Variants in NACC1 observed in about 807,000 individuals in gnomAD.
NACC1 encodes the protein nucleus accumbens associated 1.
A neutral mutation model predicts 41.7 loss-of-function variants in NACC1; 6 were observed. The ratio of observed to expected loss-of-function variants is 0.14; its 90% CI spans 0.08 to 0.28. The LOEUF (loss-of-function observed/expected upper bound fraction) is 0.28, where lower values mean the gene tolerates loss of function less well. Ranked by LOEUF, NACC1 falls within the 10% of genes least tolerant of loss-of-function variation. The pLI is 1.00. For synonymous variants in NACC1, 338 were observed against 330.6 expected, an observed-to-expected ratio of 1.02 and a Z score of -0.24; for missense variants, 434 against 763.7, an observed-to-expected ratio of 0.57 and a Z score of 5.09.
intron 1 of NACC1, among the ~76,000 whole-genome samples, chr19:13,120,242 G>A (rs2019471945): frequency 6.6e-6 from 1 of 152,160 alleles, no homozygotes; most frequent in African/African-American, 2.4e-5. Flanking sequence ...TCATGGAACT[G>A]TGGGCTGACC....
In NACC1 at chr19:13,138,022, G is replaced by C; in HGVS notation, c.1325-125G>C. 1 of 1,406,336 alleles carries C rather than the reference G, an allele frequency of 7.1e-7. No homozygotes were observed. The highest frequency in any genetic ancestry group is 1.8e-5 in the Admixed American group (1 of 54,442). The allele number at this position is 1,406,336 out of a possible 1,614,324, so 87.1% of individuals were successfully genotyped here. ...TTGGGTGCACGTAGTGTGGTGTCCT[G>C]GCCGCGTGGCCTCACTCGTTTCCCC... On this transcript the variant is annotated intron_variant, in intron 5 of 5. Transcript: ENST00000292431. This position sits in a 1 kb window ranked among gnomAD's most constrained non-coding sequence, Gnocchi z 5.7.
At chr19:13,118,054 G>C (rs1419002034), upstream of NACC1, 1 of 152,224 alleles carries the variant, frequency 6.6e-6, no homozygotes, top group Non-Finnish European at 1.5e-5. Flanking sequence ...GAAGGTGGCG[G>C]GGCCAGGATT....
At chr19:13,121,875 T>C (rs2019499026) in intron 1 of NACC1, among the ~76,000 whole-genome samples, 1 of 152,222 alleles carries the variant, frequency 6.6e-6, no homozygotes, top group Non-Finnish European at 1.5e-5. Flanking sequence ...GTTATCATCA[T>C]TTGACACACA....
rs1336937313 is a variant in NACC1 at position 13,140,268 on chromosome 19, C to T, written c.*1862C>T. On this transcript the variant is annotated 3_prime_UTR_variant, in exon 6 of 6. Coordinates refer to ENST00000292431, the MANE Select transcript of NACC1 (RefSeq NM_052876.4). The surrounding 1 kb of genome is among the most constrained non-coding windows in gnomAD (Gnocchi z 4.0). ...TTAGTCACCCCTCCTCTCCCCCCGC[C>T]TCCTGGCCTGCCACCCCACCCCAGC... 2 of 152,880 alleles carry T rather than the reference C, an allele frequency of 1.3e-5. No individual in the cohort carries two copies. The highest frequency in any genetic ancestry group is 4.8e-5 in the African/African-American group (2 of 41,434). The allele number at this position is 152,880 out of a possible 1,614,324, so 9.5% of individuals were successfully genotyped here.
rs2019743777 is a variant in NACC1 at position 13,138,780 on chromosome 19, C to T, written c.*374C>T. 1 of 254,596 alleles carries T rather than the reference C, an allele frequency of 3.9e-6. No individual in the cohort carries two copies. The highest frequency in any genetic ancestry group is 7.8e-6 in the Non-Finnish European group (1 of 128,854). The allele number at this position is 254,596 out of a possible 1,614,324, so 15.8% of individuals were successfully genotyped here. A position where few individuals can be genotyped will look rare whatever the true frequency, so the allele number is the denominator to read the frequency against. On this transcript the variant is annotated 3_prime_UTR_variant, in exon 6 of 6. Coordinates refer to ENST00000292431, the MANE Select transcript of NACC1 (RefSeq NM_052876.4). The surrounding 1 kb of genome is among the most constrained non-coding windows in gnomAD (Gnocchi z 5.7). ...TAGGCCACCTCGCGGAAGCCTTCAG[C>T]CTCCGCCCCTCACTGCAGCCCCTTG...
chr19:13,125,917 A>G (rs2019555689), intron 1 of NACC1, among the ~76,000 whole-genome samples: 2 of 150,886 alleles, frequency 1.3e-5, no homozygotes, highest in South Asian at 2.1e-4. Flanking sequence ...TTGTATTTTT[A>G]GTAGAGATGG....
chr19:13,128,337 C>T (rs2019590871), intron 1 of NACC1, among the ~76,000 whole-genome samples: 1 of 152,172 alleles, frequency 6.6e-6, no homozygotes, highest in African/African-American at 2.4e-5. Flanking sequence ...GGCTGGCAGT[C>T]TAGATGAGAG....
chr19:13,136,439 G>A lies in NACC1; in HGVS notation c.1120+34G>A, dbSNP rs780779138. On this transcript the variant is annotated intron_variant, in intron 3 of 5. Transcript: ENST00000292431. This position sits in a 1 kb window ranked among gnomAD's most constrained non-coding sequence, Gnocchi z 5.5. ...GTCTCGCCCCAGATCTCTCCCCTCCGCAGCTTTGGAGCCGGCTGGCCTGGG... is the reference window on the plus strand; with the variant it reads ...GTCTCGCCCCAGATCTCTCCCCTCCACAGCTTTGGAGCCGGCTGGCCTGGG... 15 of 1,582,546 alleles carry A rather than the reference G, an allele frequency of 9.5e-6. No homozygotes were observed. Among genetic ancestry groups the A allele is most frequent in the South Asian group, 1.2e-5 (1 of 86,528 alleles).
chr19:13,122,535 G>A (rs904959545), intron 1 of NACC1, among the ~76,000 whole-genome samples: 1 of 145,210 alleles, frequency 6.9e-6, no homozygotes, highest in Non-Finnish European at 1.5e-5. Context: ...GGGGGGGGGG[G>A]GTGTGCTGCT....
rs114398418 is a variant in NACC1 at position 13,139,961 on chromosome 19, C to G, written c.*1555C>G. On this transcript the variant is annotated 3_prime_UTR_variant, in exon 6 of 6. Coordinates refer to ENST00000292431, the MANE Select transcript of NACC1 (RefSeq NM_052876.4). The stretch of plus-strand genomic sequence containing the variant: ...CCCAACCCCCACCTACCCACTGCTC[C>G]CAGGGGTCTCTCCAGGGGCAGGGGG... The G allele has an allele frequency of 0.033, 5,033 of 152,384 alleles. 247 individuals carry two copies. The highest frequency in any genetic ancestry group is 0.11 in the African/African-American group (4,729 of 41,470). 9.4% of individuals were successfully genotyped at this position (152,384 alleles called of 1,614,324 possible).
At chr19:13,133,169 T>C (rs1420674692) in intron 1 of NACC1, among the ~76,000 whole-genome samples, 2 of 152,146 alleles carry the variant, frequency 1.3e-5, no homozygotes, top group Non-Finnish European at 2.9e-5. Context: ...TGTTACTTTC[T>C]CCTGCTGGCC....
At position 13,127,400 on chromosome 19, in the gene NACC1, T is replaced by TTTTC. The variant is rs1245933408; in HGVS notation, c.-8-7800_-8-7799insTTTC. Reference sequence around the variant, plus strand: ...TTTTTTTTTTTTTTTTTTTTTTTTTTCGGTTAACTGGATGGGCCGGGTGCC... The same window carrying TTTTC: ...TTTTTTTTTTTTTTTTTTTTTTTTTTTTTCCGGTTAACTGGATGGGCCGGGTGCC... On this transcript the variant is annotated intron_variant, in intron 1 of 5. Transcript: ENST00000292431. Among the ~76,000 whole-genome samples, 31 of 100,870 alleles carry TTTTC rather than the reference T, an allele frequency of 3.1e-4. 1 individual carries two copies. The highest frequency in any genetic ancestry group is 1.2e-3 in the African/African-American group (31 of 25,596). 66.2% of individuals were successfully genotyped at this position (100,870 alleles called of 152,430 possible).
chr19:13,126,153 C>T (rs1464821647), intron 1 of NACC1, among the ~76,000 whole-genome samples: 1 of 151,504 alleles, frequency 6.6e-6, no homozygotes, highest in African/African-American at 2.4e-5. Context: ...AAGCGATTCT[C>T]CTGCCTCAGC....
chr19:13,135,927 G>A lies in NACC1; in HGVS notation c.720G>A (p.Gly240=). 1 of 1,580,760 alleles carries A rather than the reference G, an allele frequency of 6.3e-7. No individual in the cohort carries two copies. Among genetic ancestry groups the A allele is most frequent in the South Asian group, 1.1e-5 (1 of 87,484 alleles). Residue 240 remains glycine (G), a synonymous_variant, in exon 2 of 6, where the codon GGG becomes GGA. Coordinates refer to ENST00000292431, the MANE Select transcript of NACC1 (RefSeq NM_052876.4). ...AGCCCGCCGTGGCTGCGGGAGCAGG[G>A]CAGCCAGCCGGTGGGGTGGCAGCAG... ...AAQPAVAAGA[G]QPAGGVAAAG...
upstream of NACC1, among the ~76,000 whole-genome samples, chr19:13,117,778 T>A (rs2019410827): frequency 6.6e-6 from 1 of 152,130 alleles, no homozygotes; most frequent in Non-Finnish European, 1.5e-5. Flanking sequence ...GGTTTCGAAC[T>A]CCTGACCTCA....
rs1356082525 is a variant in NACC1 at position 13,137,107 on chromosome 19, C to T, written c.1121-164C>T. 1.3e-5 allele frequency among the ~76,000 whole-genome samples: 2 copies of T among 152,214 alleles called. No individual in the cohort carries two copies. The highest frequency in any genetic ancestry group is 2.9e-5 in the Non-Finnish European group (2 of 68,026). On this transcript the variant is annotated intron_variant, in intron 3 of 5. Coordinates refer to ENST00000292431, the MANE Select transcript of NACC1 (RefSeq NM_052876.4). The surrounding 1 kb of genome is among the most constrained non-coding windows in gnomAD (Gnocchi z 6.1). ...AGCCCCAAGGAGCCTCCCCTGACTG[C>T]CCTTGGTGGGTAGAGATGTAGGGGA...
chr19:13,137,674 G>T lies in NACC1; in HGVS notation c.1324+99G>T. ...TCAGAGAGGGCTAGAGTTCAGTGTT[G>T]AGAAGCATTCTGGGGCTCATTCTAG... On this transcript the variant is annotated intron_variant, in intron 5 of 5. Transcript: ENST00000292431. The surrounding 1 kb of genome is among the most constrained non-coding windows in gnomAD (Gnocchi z 6.1). The T allele has an allele frequency of 1.0e-6, 1 of 984,386 alleles. No homozygotes were observed. The highest frequency in any genetic ancestry group is 1.6e-5 in the South Asian group (1 of 64,196). 61.0% of individuals were successfully genotyped at this position (984,386 alleles called of 1,614,324 possible).
In NACC1 at chr19:13,138,603, G is replaced by C. The variant is rs550689845; in HGVS notation, c.*197G>C. On this transcript the variant is annotated 3_prime_UTR_variant, in exon 6 of 6. Coordinates refer to ENST00000292431, the MANE Select transcript of NACC1 (RefSeq NM_052876.4). This position sits in a 1 kb window ranked among gnomAD's most constrained non-coding sequence, Gnocchi z 5.7. ...GGGAGAGGACCGCAGGGCAGGTGGC[G>C]TGAGGTCCGTGTTGCCTTCTTTAAC... 4.0e-6 allele frequency: 3 copies of C among 745,356 alleles called. No homozygotes were observed. The highest frequency in any genetic ancestry group is 3.9e-4 in the Middle Eastern group (1 of 2,538). 46.2% of individuals were successfully genotyped at this position (745,356 alleles called of 1,614,324 possible).
At chr19:13,133,710 T>C (rs2019663591) in intron 1 of NACC1, among the ~76,000 whole-genome samples, 1 of 152,180 alleles carries the variant, frequency 6.6e-6, no homozygotes, top group Non-Finnish European at 1.5e-5. Flanking sequence ...CTTTGGGCTA[T>C]TGTGAATAAT....
Sources: allele counts gnomAD v4.1 joint callset (sites outside exome capture counted in the v4.1 genomes callset), GRCh38; gene constraint gnomAD v4.1.1; non-coding constraint Gnocchi (gnomAD v3.1); transcripts MANE v1.5; gene names NCBI Gene and HGNC (gene_info 2026-07-23, HGNC 2026-07-21).